The following FRMD3 variants were observed in gnomAD, a reference collection of about 807,000 sequenced individuals.
The protein encoded by FRMD3 is FERM domain-containing protein 3.
In FRMD3, 33 loss-of-function variants were observed where a neutral mutation model predicts 70.2. The observed-to-expected ratio is 0.47, with a 90% CI of 0.36 to 0.63. The LOEUF is 0.63. FRMD3 is among the 20% of genes least tolerant of loss of function. The pLI is 0.00. For synonymous variants in FRMD3, 279 were observed against 255.9 expected (o/e 1.09, Z -0.86); for missense variants, 632 against 711.4 (o/e 0.89, Z 1.27).
At chr9:83,570,627 T>C in the FRMD3 span, among the ~76,000 whole-genome samples, 1 of 152,162 alleles carries the variant, frequency 6.6e-6, no homozygotes, top group Admixed American at 6.6e-5. Flanking sequence ...GCAAAGTGAA[T>C]AGATCACACA....
intron 2 of FRMD3, 62 bp downstream of exon 2, chr9:83,389,542 C>T (rs1204949131): frequency 1.5e-5 from 16 of 1,060,662 alleles, no homozygotes; most frequent in Non-Finnish European, 2.4e-5. Flanking sequence ...GAGGAACCCC[C>T]ACAGTGCACC....
At chr9:83,369,307 G>C (rs1824892898) in intron 3 of FRMD3, among the ~76,000 whole-genome samples, 1 of 152,142 alleles carries the variant, frequency 6.6e-6, no homozygotes, top group African/African-American at 2.4e-5. Context: ...CGGGCACAGT[G>C]GCTCACACCT....
intron 2 of FRMD3, among the ~76,000 whole-genome samples, chr9:83,380,414 A>C (rs1337779034): frequency 6.6e-6 from 1 of 152,170 alleles, no homozygotes; most frequent in Non-Finnish European, 1.5e-5. Context: ...TCCTTGTTCT[A>C]ACAGTCCACA....
At chr9:83,351,806 CTT>C (rs1298761103) in intron 3 of FRMD3, among the ~76,000 whole-genome samples, 1 of 152,132 alleles carries the variant, frequency 6.6e-6, no homozygotes, top group Non-Finnish European at 1.5e-5. Flanking sequence ...TCCTATCCAA[CTT>C]CATTACACCC....
At chr9:83,516,348 A>G (rs1829455239) in intron 1 of FRMD3, among the ~76,000 whole-genome samples, 1 of 152,204 alleles carries the variant, frequency 6.6e-6, no homozygotes, top group African/African-American at 2.4e-5. Flanking sequence ...CAGACTTTAA[A>G]CCAACAAAGA....
At chr9:83,517,494 C>CAAAAAAAAAAAAAAAAAAAAAAAAAA (rs59178344) in intron 1 of FRMD3, among the ~76,000 whole-genome samples, 1 of 65,524 alleles carries the variant, frequency 1.5e-5, no homozygotes, top group Non-Finnish European at 2.7e-5. Flanking sequence ...CCTACCAATC[C>CAAAAAAAAAAAAAAAAAAAAAAAAAA]AAAAAAAAAA....
chr9:83,370,919 T>A (rs1486000403), intron 3 of FRMD3, among the ~76,000 whole-genome samples: 1 of 150,958 alleles, frequency 6.6e-6, no homozygotes, highest in Admixed American at 6.6e-5. Context: ...TAAAAAAAAA[T>A]TATGCATTTT....
At chr9:83,555,561 C>T in the FRMD3 span, among the ~76,000 whole-genome samples, 1 of 152,200 alleles carries the variant, frequency 6.6e-6, no homozygotes, top group Non-Finnish European at 1.5e-5. Context: ...GGTGCAATGC[C>T]ACTACTGGTA....
intron 12 of FRMD3, chr9:83,297,560 T>C (rs1309274153): frequency 6.0e-6 from 2 of 333,396 alleles, no homozygotes; most frequent in African/African-American, 4.3e-5. Flanking sequence ...ATATGTTTTA[T>C]CATTTCCTCT....
At chr9:83,575,123 T>C in the FRMD3 span, among the ~76,000 whole-genome samples, 3 of 152,168 alleles carry the variant, frequency 2.0e-5, no homozygotes. Flanking sequence ...TTACTCACAA[T>C]GCCTGCTCCC....
At chr9:83,554,846 C>T in the FRMD3 span, among the ~76,000 whole-genome samples, 1 of 151,796 alleles carries the variant, frequency 6.6e-6, no homozygotes, top group East Asian at 2.0e-4. Context: ...GCACCCACGT[C>T]ACAGTCTGGT....
In FRMD3 at chr9:83,335,515, C is replaced by T; in HGVS notation, c.596+1G>A. The T allele has an allele frequency of 6.2e-7, 1 of 1,608,650 alleles. No homozygotes were observed. ...TTCACAAATGTCTACTCAGTAATTA[C>T]CTGAGTTCATTTTTATGAATTTCCA... is the stretch of plus-strand genomic sequence containing the variant. On this transcript the variant is annotated splice_donor_variant, in intron 6 of 13. Transcript: ENST00000304195. LOFTEE classifies it high-confidence loss of function.
At position 83,247,967 on chromosome 9, in the gene FRMD3, C is replaced by CA; in HGVS notation, c.1744dup (p.Trp582LeufsTer31). Reference sequence around the variant, plus strand: ...GATGAGGTGGACTTTCCCAGCCACCCACTCCTTGAGGGGACAGTAGTATTC... The same window carrying CA: ...GATGAGGTGGACTTTCCCAGCCACCCAACTCCTTGAGGGGACAGTAGTATTC... On this transcript the variant is annotated frameshift_variant, in exon 14 of 14. Coordinates refer to ENST00000304195, the MANE Select transcript of FRMD3 (RefSeq NM_174938.6). LOFTEE classifies it high-confidence loss of function. 1 of 1,614,166 alleles carries CA rather than the reference C, an allele frequency of 6.2e-7. No individual in the cohort carries two copies. The highest frequency in any genetic ancestry group is 8.5e-7 in the Non-Finnish European group (1 of 1,180,034).
the FRMD3 span, among the ~76,000 whole-genome samples, chr9:83,546,185 C>T: frequency 5.9e-5 from 9 of 151,996 alleles, no homozygotes; most frequent in African/African-American, 2.2e-4. Flanking sequence ...TGTGAAATGC[C>T]ATCTCTACCA....
At chr9:83,579,382 A>T in the FRMD3 span, among the ~76,000 whole-genome samples, 3 of 152,046 alleles carry the variant, frequency 2.0e-5, no homozygotes, top group African/African-American at 7.2e-5. Context: ...ATTTCATAGT[A>T]TGTTATAAAG....
rs191339893 is a variant in FRMD3, at chr9:83,452,006, G to A, written c.148-62298C>T. Among the ~76,000 whole-genome samples the A allele has an allele frequency of 3.3e-4, 51 of 152,254 alleles. 1 individual carries two copies. The East Asian group carries it at 4.4e-3, about 13-fold the overall frequency. ...TTTCCTATATAAACCCCAAGTCCCA[G>A]GACTTGATTCCTCTTAACAAGATGT... is the stretch of plus-strand genomic sequence containing the variant. On this transcript the variant is annotated intron_variant, in intron 1 of 13. Transcript: ENST00000304195.
chr9:83,516,890 T>G (rs1451529592), intron 1 of FRMD3, among the ~76,000 whole-genome samples: 1 of 152,114 alleles, frequency 6.6e-6, no homozygotes, highest in Admixed American at 6.6e-5. Flanking sequence ...AATAATGAAA[T>G]TAAGGTAGAA....
chr9:83,529,524 C>T (rs1829752322), intron 1 of FRMD3, among the ~76,000 whole-genome samples: 1 of 152,006 alleles, frequency 6.6e-6, no homozygotes, highest in Admixed American at 6.5e-5. Flanking sequence ...GATCAAAGTC[C>T]TAAATGTAAG....
intron 3 of FRMD3, among the ~76,000 whole-genome samples, chr9:83,353,437 G>T (rs1473955065): frequency 2.0e-5 from 3 of 152,172 alleles, no homozygotes; most frequent in African/African-American, 4.8e-5. Flanking sequence ...CCCCCAAAAT[G>T]CTGATCTAGT....
Sources: allele counts gnomAD v4.1 joint callset (sites outside exome capture counted in the v4.1 genomes callset), GRCh38; gene constraint gnomAD v4.1.1; transcripts MANE v1.5; gene names NCBI Gene and HGNC (gene_info 2026-07-23, HGNC 2026-07-21).